Variants in TLN2 observed in about 807,000 individuals in gnomAD.
The protein encoded by TLN2 is talin 2.
A neutral mutation model predicts 294.7 loss-of-function variants in TLN2; 118 were observed. That is an observed-to-expected ratio of 0.40 (90% CI 0.34 to 0.47). TLN2 has a LOEUF of 0.47. Among genes scored for constraint, TLN2 ranks in the 20% least tolerant of loss-of-function variants. The probability of loss-of-function intolerance (pLI) is 0.84; values close to 1 mark genes in which losing one functional copy is unlikely to be tolerated. For missense variants in TLN2, 3,083 were observed against 3,282.2 expected (o/e 0.94, Z 1.48); for synonymous variants, 1,431 against 1,304.5 (o/e 1.10, Z -2.09).
At position 62,702,165 on chromosome 15, in the gene TLN2, G is replaced by A. The variant is rs762492287; in HGVS notation, c.1870G>A (p.Asp624Asn). 4.3e-6 allele frequency: 7 copies of A among 1,610,280 alleles called. No individual in the cohort carries two copies. Among genetic ancestry groups the A allele is most frequent in the Non-Finnish European group, 5.1e-6 (6 of 1,178,242 alleles). The part of the protein sequence containing the change: ...AARTLAGAVS[D>N]LLKAVQPTSG... ...CAGGACCCTCGCTGGGGCGGTGTCA[G>A]ACTTGCTGAAAGCTGTGCAGCCTAC... The change falls in exon 18 of 59, where the codon GAC becomes AAC. Residue 624 changes from aspartate (D) to asparagine (N), a missense_variant. Asp to Asn is a conservative substitution (Grantham distance 23). Coordinates refer to ENST00000636159, the MANE Select transcript of TLN2 (RefSeq NM_015059.3).
At chr15:62,725,177 G>C in intron 27 of TLN2, 73 bp downstream of exon 27, 1 of 1,522,994 alleles carries the variant, frequency 6.6e-7, no homozygotes, top group Non-Finnish European at 8.8e-7. Flanking sequence ...TGTTGTTAGG[G>C]TGTTTGCTAA....
chr15:62,493,921 C>G (rs1567027653), intron 1 of TLN2, among the ~76,000 whole-genome samples: 2 of 152,058 alleles, frequency 1.3e-5, no homozygotes, highest in Admixed American at 6.6e-5. Context: ...GAGGTTGCCT[C>G]TTAGGTAAGT....
intron 1 of TLN2, among the ~76,000 whole-genome samples, chr15:62,400,182 A>C (rs1013178271): frequency 3.3e-5 from 5 of 152,188 alleles, no homozygotes; most frequent in Non-Finnish European, 7.3e-5. Context: ...CGCCATGTGA[A>C]GAAGGACATG....
intron 28 of TLN2, among the ~76,000 whole-genome samples, chr15:62,736,274 C>G (rs1022407494): frequency 6.6e-6 from 1 of 150,612 alleles, no homozygotes; most frequent in African/African-American, 2.4e-5. Context: ...GAGCCAAGAT[C>G]GCGCCACTGC....
chr15:62,478,062 A>G (rs921286969), intron 1 of TLN2, among the ~76,000 whole-genome samples: 3 of 152,204 alleles, frequency 2.0e-5, no homozygotes, highest in African/African-American at 7.2e-5. Flanking sequence ...TTCTCGGAGT[A>G]CTTCCAGTGT....
chr15:62,437,333 G>A (rs1039433985), intron 1 of TLN2, among the ~76,000 whole-genome samples: 1 of 152,058 alleles, frequency 6.6e-6, no homozygotes, highest in Non-Finnish European at 1.5e-5. Context: ...TTATCTCCTG[G>A]TGATTGGTGG....
At chr15:62,537,716 T>C (rs1410982429) in intron 1 of TLN2, among the ~76,000 whole-genome samples, 2 of 152,168 alleles carry the variant, frequency 1.3e-5, no homozygotes, top group Non-Finnish European at 2.9e-5. Context: ...TGTTAAAGGA[T>C]TGTTTGAAGA....
chr15:62,520,174 A>G (rs1250584930), intron 1 of TLN2, among the ~76,000 whole-genome samples: 2 of 152,220 alleles, frequency 1.3e-5, no homozygotes, highest in African/African-American at 4.8e-5. Flanking sequence ...GGGTGCTACA[A>G]TTCATGATGA....
At chr15:62,604,621 G>C (rs116527274) in intron 2 of TLN2, among the ~76,000 whole-genome samples, 2,270 of 151,222 alleles carry the variant, frequency 0.015, 43 homozygotes, top group African/African-American at 0.045. Context: ...AGGTTCAGGA[G>C]GGTGTTGGTG....
At chr15:62,820,162 G>A (rs1052253719) in intron 53 of TLN2, among the ~76,000 whole-genome samples, 2 of 152,164 alleles carry the variant, frequency 1.3e-5, no homozygotes, top group Non-Finnish European at 2.9e-5. Context: ...GTCTCCTGAG[G>A]ATGCTTACTT....
At chr15:62,416,563 G>T (rs1434254630) in intron 1 of TLN2, among the ~76,000 whole-genome samples, 1 of 152,190 alleles carries the variant, frequency 6.6e-6, no homozygotes, top group Non-Finnish European at 1.5e-5. Flanking sequence ...TGAGGCTGGA[G>T]GTAGGGTTTG....
chr15:62,828,107 CAG>C (rs930771728), intron 54 of TLN2: 4 of 152,422 alleles, frequency 2.6e-5, no homozygotes, highest in African/African-American at 4.8e-5. Context: ...AACTGGGAAA[CAG>C]GGGAAGGGAG....
At chr15:62,556,068 T>G (rs1438208919) in intron 1 of TLN2, among the ~76,000 whole-genome samples, 1 of 152,016 alleles carries the variant, frequency 6.6e-6, no homozygotes, top group Admixed American at 6.6e-5. Flanking sequence ...AGAATTGTTG[T>G]CTTACAATAT....
Position 62,833,494 on chromosome 15 carries a change from T to C in TLN2, c.7003-10T>C, listed in dbSNP as rs779453191. On this transcript the variant is annotated splice_polypyrimidine_tract_variant and intron_variant, in intron 54 of 58. Transcript: ENST00000636159. ...GAATTGAATGTGATGCTGTTTTCTTTTGGTTATAGCAAGCGGATGAGACCC... is the reference window on the plus strand; with the variant it reads ...GAATTGAATGTGATGCTGTTTTCTTCTGGTTATAGCAAGCGGATGAGACCC... The C allele has an allele frequency of 3.5e-5, 56 of 1,612,496 alleles. No individual in the cohort carries two copies. The Middle Eastern group carries it at 3.0e-3, about 85-fold the overall frequency.
intron 1 of TLN2, among the ~76,000 whole-genome samples, chr15:62,488,226 G>A (rs1164999499): frequency 6.6e-6 from 1 of 152,168 alleles, no homozygotes; most frequent in Non-Finnish European, 1.5e-5. Context: ...AGGAACAACA[G>A]TGTGTCTTGA....
intron 1 of TLN2, among the ~76,000 whole-genome samples, chr15:62,543,328 C>T (rs1171910997): frequency 6.6e-6 from 1 of 152,192 alleles, no homozygotes; most frequent in Non-Finnish European, 1.5e-5. Flanking sequence ...CATATATTTG[C>T]TGAGTACCTA....
chr15:62,760,660 C>T (rs1233496062), intron 37 of TLN2, among the ~76,000 whole-genome samples: 3 of 152,120 alleles, frequency 2.0e-5, no homozygotes, highest in Non-Finnish European at 2.9e-5. Context: ...GGCTGGGAAC[C>T]TCATCGAAGT....
Position 62,708,584 on chromosome 15 carries a change from A to G in TLN2, c.2255A>G (p.Asn752Ser), listed in dbSNP as rs144563213. ...AGKLVDRSVE[N>S]CVRACQAATT... ...AAGCTGGTGGACCGCTCGGTGGAGAACTGTGTCCGTGCCTGCCAGGCGGCC... is the reference window on the plus strand; with the variant it reads ...AAGCTGGTGGACCGCTCGGTGGAGAGCTGTGTCCGTGCCTGCCAGGCGGCC... Residue 752 changes from asparagine to serine, a missense_variant, in exon 21 of 59, where the codon AAC (asparagine) becomes AGC (serine). By Grantham distance (46) the Asn-to-Ser change is conservative. Transcript: ENST00000636159. The G allele has an allele frequency of 2.8e-5, 46 of 1,614,058 alleles. No individual in the cohort carries two copies. In the African/African-American group the frequency reaches 5.2e-4, roughly 18 times the overall value.
At chr15:62,651,098 A>C (rs532264742) in intron 5 of TLN2, among the ~76,000 whole-genome samples, 4 of 152,332 alleles carry the variant, frequency 2.6e-5, no homozygotes, top group African/African-American at 9.6e-5. Context: ...AAAGACATAG[A>C]GATAGTAAAA....
Sources: allele counts gnomAD v4.1 joint callset (sites outside exome capture counted in the v4.1 genomes callset), GRCh38; gene constraint gnomAD v4.1.1; transcripts MANE v1.5; gene names NCBI Gene and HGNC (gene_info 2026-07-23, HGNC 2026-07-21).